SLCO2A1: variants seen among roughly 807,000 people sequenced by gnomAD.
SLCO2A1 encodes solute carrier organic anion transporter family member 2A1.
A neutral mutation model predicts 71.7 loss-of-function variants in SLCO2A1; 60 were observed. That is an observed-to-expected ratio of 0.84 (90% CI 0.68 to 1.04). The LOEUF (loss-of-function observed/expected upper bound fraction) is 1.04, where lower values mean the gene tolerates loss of function less well. Among genes scored for constraint, SLCO2A1 ranks in the 50% least tolerant of loss-of-function variants. The pLI, the probability that SLCO2A1 is intolerant of heterozygous loss-of-function variation, is 0.00. For synonymous variants in SLCO2A1, 308 were observed against 326.7 expected (o/e 0.94, Z 0.62); for missense variants, 745 against 813.4 (o/e 0.92, Z 1.02).
intron 12 of SLCO2A1, among the ~76,000 whole-genome samples, chr3:133,937,757 G>A (rs1250332129): frequency 6.6e-6 from 1 of 152,176 alleles, no homozygotes; most frequent in Non-Finnish European, 1.5e-5. Flanking sequence ...TCTCTCTATT[G>A]CTGCCTTGTG....
intron 1 of SLCO2A1, among the ~76,000 whole-genome samples, chr3:134,004,093 C>CGTGTGT (rs71139603): frequency 1.5e-4 from 22 of 149,624 alleles, no homozygotes; most frequent in African/African-American, 5.2e-4. Flanking sequence ...TGAATCTCTT[C>CGTGTGT]GTGTGTGTGT....
intron 1 of SLCO2A1, among the ~76,000 whole-genome samples, chr3:133,980,033 A>G (rs111347867): frequency 0.012 from 1,861 of 151,996 alleles, 31 homozygotes; most frequent in African/African-American, 0.04. Flanking sequence ...GCTGAAGGCC[A>G]CTCCCCATCC....
intron 1 of SLCO2A1, among the ~76,000 whole-genome samples, chr3:133,985,517 C>A (rs1252737573): frequency 6.6e-6 from 1 of 152,166 alleles, no homozygotes; most frequent in African/African-American, 2.4e-5. Context: ...ACACGGGCTG[C>A]ATTATCTTCT....
At chr3:134,000,272 C>T (rs558480928) in intron 1 of SLCO2A1, among the ~76,000 whole-genome samples, 2 of 152,086 alleles carry the variant, frequency 1.3e-5, no homozygotes, top group South Asian at 4.1e-4. Context: ...AGTGTGGGAG[C>T]ACATGCAGAT....
At chr3:134,022,773 A>C (rs1216811241) in intron 1 of SLCO2A1, among the ~76,000 whole-genome samples, 2 of 152,222 alleles carry the variant, frequency 1.3e-5, no homozygotes, top group Non-Finnish European at 2.9e-5. Context: ...GCACTGTTAA[A>C]TGCAAAATGG....
chr3:133,989,660 A>C (rs981936538), intron 1 of SLCO2A1, among the ~76,000 whole-genome samples: 1 of 152,254 alleles, frequency 6.6e-6, no homozygotes, highest in Non-Finnish European at 1.5e-5. Flanking sequence ...GACAAAGCCC[A>C]ACTCTACACT....
At chr3:134,014,926 A>C (rs1161086651) in intron 1 of SLCO2A1, among the ~76,000 whole-genome samples, 1 of 152,210 alleles carries the variant, frequency 6.6e-6, no homozygotes, top group Non-Finnish European at 1.5e-5. Flanking sequence ...AATCAACTTC[A>C]AGGGAAAAAA....
intron 3 of SLCO2A1, among the ~76,000 whole-genome samples, chr3:133,962,717 A>G (rs1934067857): frequency 2.6e-5 from 4 of 152,204 alleles, no homozygotes; most frequent in Admixed American, 2.6e-4. Flanking sequence ...CACTCTAGTA[A>G]AGGCTGGAAC....
chr3:134,029,640 G>T, intron 1 of SLCO2A1, 67 bp downstream of exon 1: 2 of 1,323,034 alleles, frequency 1.5e-6, no homozygotes, highest in Non-Finnish European at 2.1e-6. Flanking sequence ...GCAGACAGAA[G>T]CGGGTGCCCA....
intron 10 of SLCO2A1, among the ~76,000 whole-genome samples, chr3:133,944,442 G>A (rs551588644): frequency 2.6e-5 from 4 of 152,302 alleles, no homozygotes; most frequent in African/African-American, 9.6e-5. Flanking sequence ...TAGGAGGTGT[G>A]GAGCCACAGA....
chr3:133,951,373 T>A, intron 5 of SLCO2A1, 29 bp from the exon 6 acceptor site: 1 of 1,612,266 alleles, frequency 6.2e-7, no homozygotes, highest in Non-Finnish European at 8.5e-7. Flanking sequence ...GTGCAAATGT[T>A]TGTTGAATGC....
At chr3:134,001,943 G>C (rs1200111850) in intron 1 of SLCO2A1, among the ~76,000 whole-genome samples, 2 of 152,156 alleles carry the variant, frequency 1.3e-5, no homozygotes, top group Non-Finnish European at 2.9e-5. Flanking sequence ...CCTCGTGAAA[G>C]GGATTGGTCA....
intron 3 of SLCO2A1, among the ~76,000 whole-genome samples, chr3:133,970,743 C>T (rs973408077): frequency 6.6e-6 from 1 of 152,128 alleles, no homozygotes; most frequent in Non-Finnish European, 1.5e-5. Context: ...GACTGCTGTG[C>T]CCTATTGTTG....
intron 11 of SLCO2A1, 31 bp from the exon 12 acceptor site, chr3:133,938,524 G>T (rs1933332651): frequency 5.6e-6 from 9 of 1,605,308 alleles, no homozygotes; most frequent in Non-Finnish European, 7.7e-6. Context: ...TCAGCAGTGG[G>T]AGGATTCAGG....
chr3:133,986,063 T>C (rs1244754981), intron 1 of SLCO2A1, among the ~76,000 whole-genome samples: 1 of 152,200 alleles, frequency 6.6e-6, no homozygotes, highest in Non-Finnish European at 1.5e-5. Context: ...TTTAATTTTG[T>C]GGTGGTATTT....
chr3:133,964,483 T>A (rs972158393), intron 3 of SLCO2A1, among the ~76,000 whole-genome samples: 1 of 152,170 alleles, frequency 6.6e-6, no homozygotes, highest in Non-Finnish European at 1.5e-5. Flanking sequence ...CCCAGGCCTT[T>A]AAGAACTTGG....
intron 1 of SLCO2A1, among the ~76,000 whole-genome samples, chr3:134,009,281 G>C (rs1207117815): frequency 6.6e-6 from 1 of 152,144 alleles, no homozygotes; most frequent in African/African-American, 2.4e-5. Flanking sequence ...TCTGTATACT[G>C]TGATTTTGAC....
intron 11 of SLCO2A1, among the ~76,000 whole-genome samples, chr3:133,941,192 A>C (rs965243240): frequency 6.6e-6 from 1 of 152,224 alleles, no homozygotes; most frequent in African/African-American, 2.4e-5. Context: ...CCCAGATCCC[A>C]ACAAGTGGCT....
Position 133,934,651 on chromosome 3 carries a change from A to G in SLCO2A1, c.*62T>C, listed in dbSNP as rs779202506. On this transcript the variant is annotated 3_prime_UTR_variant, in exon 14 of 14. Transcript: ENST00000310926. ...AAATGACGTGTTAACATTAGTGAGTATAGGCAGGTGTGGAAGAGTCAAGGT... is the reference window on the plus strand; with the variant it reads ...AAATGACGTGTTAACATTAGTGAGTGTAGGCAGGTGTGGAAGAGTCAAGGT... 8.9e-7 allele frequency: 1 copy of G among 1,120,556 alleles called. No individual in the cohort carries two copies. Among genetic ancestry groups the G allele is most frequent in the Non-Finnish European group, 1.4e-6 (1 of 736,216 alleles). 69.4% of individuals were successfully genotyped at this position (1,120,556 alleles called of 1,614,324 possible). A position where few individuals can be genotyped will look rare whatever the true frequency, so the allele number is the denominator to read the frequency against.
Sources: allele counts gnomAD v4.1 joint callset (sites outside exome capture counted in the v4.1 genomes callset), GRCh38; gene constraint gnomAD v4.1.1; transcripts MANE v1.5; gene names NCBI Gene and HGNC (gene_info 2026-07-23, HGNC 2026-07-21).